The following TMPRSS11E variants were observed in gnomAD, a reference collection of about 807,000 sequenced individuals.
The protein encoded by TMPRSS11E is transmembrane serine protease 11E.
In TMPRSS11E, 38 loss-of-function variants were observed where a neutral mutation model predicts 48.1. The observed-to-expected ratio is 0.79, with a 90% CI of 0.61 to 1.04. The LOEUF is 1.04. Among genes scored for constraint, TMPRSS11E ranks in the 50% least tolerant of loss-of-function variants. The probability of loss-of-function intolerance (pLI) is 0.00; values close to 1 mark genes in which losing one functional copy is unlikely to be tolerated. For synonymous variants in TMPRSS11E, 158 were observed against 171.9 expected, an observed-to-expected ratio of 0.92 and a Z score of 0.63; for missense variants, 530 against 510.8, an observed-to-expected ratio of 1.04 and a Z score of -0.36.
At chr4:68,492,375 T>TGAGTAATATGTTGAAAATGTGATA (rs1729750542) in intron 9 of TMPRSS11E, among the ~76,000 whole-genome samples, 1 of 152,238 alleles carries the variant, frequency 6.6e-6, no homozygotes, top group Non-Finnish European at 1.5e-5. Flanking sequence ...ATGAGCATAT[T>TGAGTAATATGTTGAAAATGTGATA]CTTACCTGAG....
At chr4:68,483,534 C>A (rs1044722478) in intron 9 of TMPRSS11E, among the ~76,000 whole-genome samples, 1 of 151,682 alleles carries the variant, frequency 6.6e-6, no homozygotes, top group Non-Finnish European at 1.5e-5. Context: ...GGATATTAGA[C>A]CTTTGTCAGA....
intron 4 of TMPRSS11E, 125 bp from the exon 5 acceptor site, chr4:68,471,335 T>C: frequency 1.6e-6 from 1 of 608,084 alleles, no homozygotes; most frequent in Admixed American, 3.3e-5. Flanking sequence ...CTTCCTTTTC[T>C]CTTTTCTTTC....
chr4:68,447,629 TA>T, intron 1 of TMPRSS11E, 106 bp downstream of exon 1: 1 of 862,612 alleles, frequency 1.2e-6, no homozygotes, highest in Non-Finnish European at 1.8e-6. Context: ...ATTATTTTTT[TA>T]AATATAGAAA....
At chr4:68,455,384 G>A (rs1728601703) in intron 1 of TMPRSS11E, among the ~76,000 whole-genome samples, 1 of 151,890 alleles carries the variant, frequency 6.6e-6, no homozygotes, top group African/African-American at 2.4e-5. Context: ...GAAAAGGAGA[G>A]CTCTCAATAT....
chr4:68,496,914 T>G lies in TMPRSS11E; in HGVS notation c.*110T>G. 9.0e-7 allele frequency: 1 copy of G among 1,106,102 alleles called. No homozygotes were observed. The highest frequency in any genetic ancestry group is 1.3e-6 in the Non-Finnish European group (1 of 760,424). 68.5% of individuals were successfully genotyped at this position (1,106,102 alleles called of 1,614,324 possible). On this transcript the variant is annotated 3_prime_UTR_variant, in exon 10 of 10. Transcript: ENST00000305363. Reference sequence around the variant, plus strand: ...GACTTGCAAAACAGCTAGATTTGACTGATCTCAATAAACTGTTTGCTTGAT... The same window carrying G: ...GACTTGCAAAACAGCTAGATTTGACGGATCTCAATAAACTGTTTGCTTGAT...
intron 6 of TMPRSS11E, among the ~76,000 whole-genome samples, chr4:68,475,315 A>G (rs1040876615): frequency 3.9e-5 from 6 of 152,134 alleles, no homozygotes; most frequent in Non-Finnish European, 7.4e-5. Context: ...GTCTAGGCCT[A>G]GCATTTTTCT....
At chr4:68,485,270 C>T (rs1321881813) in intron 9 of TMPRSS11E, among the ~76,000 whole-genome samples, 2 of 152,086 alleles carry the variant, frequency 1.3e-5, no homozygotes, top group Admixed American at 1.3e-4. Context: ...CCTTAGCCTC[C>T]TGAGTAGCTG....
chr4:68,476,559 C>A, intron 7 of TMPRSS11E, 121 bp downstream of exon 7: 1 of 979,242 alleles, frequency 1.0e-6, no homozygotes, highest in Non-Finnish European at 1.5e-6. Flanking sequence ...GTGTGTATAT[C>A]ACAAAAGACT....
intron 1 of TMPRSS11E, among the ~76,000 whole-genome samples, chr4:68,456,828 T>C (rs1014170965): frequency 2.0e-5 from 3 of 152,166 alleles, no homozygotes; most frequent in Non-Finnish European, 2.9e-5. Flanking sequence ...ATTTAATCAA[T>C]GGTGTTGAGA....
In TMPRSS11E at chr4:68,466,744, G is replaced by A; in HGVS notation, c.250G>A (p.Glu84Lys). The A allele has an allele frequency of 6.2e-7, 1 of 1,613,482 alleles. No homozygotes were observed. Among genetic ancestry groups the A allele is most frequent in the Non-Finnish European group, 8.5e-7 (1 of 1,179,606 alleles). Residue 84 changes from glutamate to lysine, a missense_variant, in exon 3 of 10, where the codon GAA becomes AAA. Transcript: ENST00000305363. ...NNFTEMSQRL[E>K]SMVKNAFYKS... Reference sequence around the variant, plus strand: ...TTTTACAGAAATGAGCCAGAGACTTGAATCAATGGTAAGCAACTTGTCATC... The same window carrying A: ...TTTTACAGAAATGAGCCAGAGACTTAAATCAATGGTAAGCAACTTGTCATC...
intron 1 of TMPRSS11E, among the ~76,000 whole-genome samples, chr4:68,451,034 T>C (rs1728484084): frequency 6.6e-6 from 1 of 151,896 alleles, no homozygotes; most frequent in Non-Finnish European, 1.5e-5. Context: ...CAGAGAAACA[T>C]GAAAAATAGC....
At chr4:68,476,169 G>A in intron 6 of TMPRSS11E, 92 bp from the exon 7 acceptor site, 3 of 1,537,286 alleles carry the variant, frequency 2.0e-6, no homozygotes, top group Non-Finnish European at 2.7e-6. Flanking sequence ...GCACAAAGTA[G>A]AAGAAATATG....
At position 68,476,377 on chromosome 4, in the gene TMPRSS11E, C is replaced by G. The variant is rs188581615; in HGVS notation, c.646C>G (p.Arg216Gly). Reference protein sequence around the residue: ...QASLQWDGSHRCGATLINATW... With the variant: ...QASLQWDGSHGCGATLINATW... ...TAGCCTGCAGTGGGATGGGAGTCAT[C>G]GCTGTGGAGCAACCTTAATTAATGC... Residue 216 changes from arginine (R) to glycine (G), a missense_variant, in exon 7 of 10, where the codon CGC (arginine) becomes GGC (glycine). Physicochemically the swap from Arg to Gly is moderately radical, Grantham distance 125. Transcript: ENST00000305363. 1.2e-4 allele frequency: 201 copies of G among 1,614,076 alleles called. 4 individuals are homozygous for G. The South Asian group carries it at 2.1e-3, about 17-fold the overall frequency.
intron 2 of TMPRSS11E, among the ~76,000 whole-genome samples, chr4:68,463,768 G>T (rs765587300): frequency 6.6e-6 from 1 of 152,060 alleles, no homozygotes; most frequent in Admixed American, 6.6e-5. Flanking sequence ...CAGAATCTTG[G>T]CACATGTTAT....
intron 3 of TMPRSS11E, among the ~76,000 whole-genome samples, chr4:68,468,665 G>A (rs1194973248): frequency 2.6e-5 from 4 of 152,064 alleles, no homozygotes; most frequent in South Asian, 2.1e-4. Context: ...GCCCCACTGC[G>A]GTTCCCTACT....
At position 68,491,944 on chromosome 4, in the gene TMPRSS11E, T is replaced by G. The variant is rs1040073729; in HGVS notation, c.1111-4699T>G. Among the ~76,000 whole-genome samples, 12 of 152,368 alleles carry G rather than the reference T, an allele frequency of 7.9e-5. No homozygotes were observed. The East Asian group carries it at 1.7e-3, about 22-fold the overall frequency. On this transcript the variant is annotated intron_variant, in intron 9 of 9. Coordinates refer to ENST00000305363, the MANE Select transcript of TMPRSS11E (RefSeq NM_014058.4). ...CATCACTATAGTTCTTTCCCAACTT[T>G]TACCTTTGGGTTAGTCGTTTTAGCA...
chr4:68,487,941 C>CAAAAAAAA (rs56299530), intron 9 of TMPRSS11E, among the ~76,000 whole-genome samples: 1 of 89,972 alleles, frequency 1.1e-5, no homozygotes, highest in African/African-American at 4.6e-5. Context: ...GACTCTGTCT[C>CAAAAAAAA]AAAAAAAAAA....
intron 9 of TMPRSS11E, among the ~76,000 whole-genome samples, chr4:68,481,672 G>A (rs886635162): frequency 6.6e-6 from 1 of 152,012 alleles, no homozygotes; most frequent in Non-Finnish European, 1.5e-5. Context: ...TACCTGGGTC[G>A]GGAATGGTGG....
intron 9 of TMPRSS11E, 66 bp from the exon 10 acceptor site, chr4:68,496,576 AG>A (rs1376235292): frequency 6.8e-7 from 1 of 1,466,136 alleles, no homozygotes; most frequent in Non-Finnish European, 9.2e-7. Flanking sequence ...TTCTTAAGTT[AG>A]AAAAATAGCC....
Sources: allele counts gnomAD v4.1 joint callset (sites outside exome capture counted in the v4.1 genomes callset), GRCh38; gene constraint gnomAD v4.1.1; transcripts MANE v1.5; gene names NCBI Gene and HGNC (gene_info 2026-07-23, HGNC 2026-07-21).